Variants in GPBP1 observed in about 807,000 individuals in gnomAD.
GPBP1 encodes GC-rich promoter binding protein 1, also known as vasculin.
GPBP1 carries 13 observed loss-of-function variants against 56.5 expected under a neutral mutation model. The observed-to-expected ratio is 0.23, with a 90% confidence interval of 0.15 to 0.37. The LOEUF (loss-of-function observed/expected upper bound fraction) is 0.37, where lower values mean the gene tolerates loss of function less well. Ranked by LOEUF, GPBP1 falls within the 10% of genes least tolerant of loss-of-function variation. GPBP1 has a pLI of 1.00. For missense variants in GPBP1, 477 were observed against 572.3 expected (o/e 0.83, Z 1.70); for synonymous variants, 204 against 188.9 (o/e 1.08, Z -0.66).
At chr5:57,197,559 A>G (rs976804901) in intron 2 of GPBP1, among the ~76,000 whole-genome samples, 1 of 151,958 alleles carries the variant, frequency 6.6e-6, no homozygotes, top group African/African-American at 2.4e-5. Context: ...GGGTTTTGCC[A>G]TGTTGGCCAG....
At chr5:57,211,383 C>G (rs1271745362) in intron 2 of GPBP1, among the ~76,000 whole-genome samples, 1 of 151,958 alleles carries the variant, frequency 6.6e-6, no homozygotes, top group Non-Finnish European at 1.5e-5. Flanking sequence ...AGACGGGAGT[C>G]TTACCATGTT....
intron 2 of GPBP1, among the ~76,000 whole-genome samples, chr5:57,197,701 GC>G (rs10712039): frequency 0.98 from 149,867 of 152,240 alleles, 73,774 homozygotes; most frequent in Middle Eastern, 1. Context: ...TTCTTCATTT[GC>G]CAGGCAGGTG....
intron 10 of GPBP1, among the ~76,000 whole-genome samples, chr5:57,260,062 TTC>T (rs1453071052): frequency 3.3e-5 from 5 of 152,190 alleles, no homozygotes; most frequent in Admixed American, 2.6e-4. Flanking sequence ...TGTTTAAACT[TTC>T]CATTGAAAGC....
At chr5:57,230,589 G>A in intron 3 of GPBP1, 1 of 423,894 alleles carries the variant, frequency 2.4e-6, no homozygotes, top group Non-Finnish European at 4.2e-6. Context: ...CCATACAGTG[G>A]CATTTTACCT....
intron 10 of GPBP1, among the ~76,000 whole-genome samples, chr5:57,253,083 A>C (rs1443951566): frequency 1.3e-5 from 2 of 152,168 alleles, no homozygotes; most frequent in Non-Finnish European, 2.9e-5. Flanking sequence ...GTGATCTCTT[A>C]AGTGGTTTAG....
At chr5:57,253,710 C>G (rs1049971978) in intron 10 of GPBP1, among the ~76,000 whole-genome samples, 2 of 152,118 alleles carry the variant, frequency 1.3e-5, no homozygotes, top group Non-Finnish European at 2.9e-5. Flanking sequence ...CTTTTTATTT[C>G]TAATTTTTTC....
chr5:57,189,994 A>G (rs577782859), intron 2 of GPBP1, among the ~76,000 whole-genome samples: 41 of 152,182 alleles, frequency 2.7e-4, no homozygotes, highest in African/African-American at 9.6e-4. Context: ...ATTCTATATT[A>G]TTTCACTTAA....
At chr5:57,232,088 T>G (rs1756485111) in intron 5 of GPBP1, among the ~76,000 whole-genome samples, 1 of 152,146 alleles carries the variant, frequency 6.6e-6, no homozygotes, top group Non-Finnish European at 1.5e-5. Flanking sequence ...CATAGCTCAC[T>G]GCATCTTCAA....
intron 2 of GPBP1, among the ~76,000 whole-genome samples, chr5:57,182,447 A>T (rs750727385): frequency 1.1e-4 from 16 of 151,872 alleles, no homozygotes; most frequent in Non-Finnish European, 1.9e-4. Context: ...ATCTCGGTTC[A>T]CTGCAACCTC....
chr5:57,228,386 C>T (rs575911526), intron 3 of GPBP1, among the ~76,000 whole-genome samples: 9 of 151,452 alleles, frequency 5.9e-5, no homozygotes, highest in African/African-American at 1.7e-4. Context: ...ACCTGGGAGA[C>T]GGAGGTTGCA....
intron 2 of GPBP1, among the ~76,000 whole-genome samples, chr5:57,188,787 ACTCT>A (rs1403108265): frequency 2.6e-5 from 4 of 151,640 alleles, no homozygotes; most frequent in South Asian, 4.2e-4. Context: ...CTAGCCCCAT[ACTCT>A]CTCTATTCTT....
intron 2 of GPBP1, among the ~76,000 whole-genome samples, chr5:57,193,250 A>C (rs112437475): frequency 2.6e-5 from 4 of 152,192 alleles, no homozygotes; most frequent in African/African-American, 9.6e-5. Flanking sequence ...TGGGAGGCCG[A>C]GGTTGCAGTG....
At chr5:57,245,212 A>G (rs1580068809) in intron 6 of GPBP1, among the ~76,000 whole-genome samples, 1 of 152,166 alleles carries the variant, frequency 6.6e-6, no homozygotes. Context: ...TAGTAAGTCA[A>G]CATGTGTTTA....
chr5:57,254,266 T>C (rs1741535080), intron 10 of GPBP1, among the ~76,000 whole-genome samples: 2 of 152,226 alleles, frequency 1.3e-5, no homozygotes, highest in South Asian at 2.1e-4. Flanking sequence ...TCCTTCAGAA[T>C]AAATCTTTAT....
intron 2 of GPBP1, among the ~76,000 whole-genome samples, chr5:57,191,648 G>T (rs958390542): frequency 2.7e-5 from 4 of 150,942 alleles, no homozygotes; most frequent in Admixed American, 2.6e-4. Flanking sequence ...TGCAACCTCC[G>T]CCTCCTGGGT....
chr5:57,237,985 A>T (rs1740614473), intron 6 of GPBP1, among the ~76,000 whole-genome samples: 1 of 152,226 alleles, frequency 6.6e-6, no homozygotes, highest in Non-Finnish European at 1.5e-5. Context: ...CATAAATTGA[A>T]TTCTGCTTAG....
In GPBP1 at chr5:57,176,121, G is replaced by A. The variant is rs1296627664; in HGVS notation, c.-337G>A. On this transcript the variant is annotated 5_prime_UTR_variant, in exon 2 of 12. Coordinates refer to ENST00000506184, the MANE Select transcript of GPBP1 (RefSeq NM_022913.4). ...GGCTCGTAAATTGGATATTTCATCTGGAGTGGACAAGTACAACAGTGGCAA... is the reference window on the plus strand; with the variant it reads ...GGCTCGTAAATTGGATATTTCATCTAGAGTGGACAAGTACAACAGTGGCAA... 5.0e-6 allele frequency: 2 copies of A among 397,486 alleles called. No individual in the cohort carries two copies. The highest frequency in any genetic ancestry group is 8.9e-6 in the Non-Finnish European group (2 of 225,584). The allele number at this position is 397,486 out of a possible 1,614,324, so 24.6% of individuals were successfully genotyped here. A position where few individuals can be genotyped will look rare whatever the true frequency, so the allele number is the denominator to read the frequency against.
At chr5:57,186,847 A>G (rs989734249) in intron 2 of GPBP1, among the ~76,000 whole-genome samples, 3 of 151,598 alleles carry the variant, frequency 2.0e-5, no homozygotes, top group Non-Finnish European at 4.4e-5. Context: ...TTGGGATTAC[A>G]GGCGAGAGCC....
intron 10 of GPBP1, among the ~76,000 whole-genome samples, chr5:57,260,750 T>G (rs1339653496): frequency 6.6e-6 from 1 of 152,170 alleles, no homozygotes. Flanking sequence ...GAAACAAGCT[T>G]GGAGGTTTCC....
Sources: allele counts gnomAD v4.1 joint callset (sites outside exome capture counted in the v4.1 genomes callset), GRCh38; gene constraint gnomAD v4.1.1; transcripts MANE v1.5; gene names NCBI Gene and HGNC (gene_info 2026-07-23, HGNC 2026-07-21).